Variants in GNA12 observed in about 807,000 individuals in gnomAD.
The protein encoded by GNA12 is G protein subunit alpha 12.
GNA12 carries 9 observed loss-of-function variants against 26.0 expected under a neutral mutation model. That is an observed-to-expected ratio of 0.35 (90% CI 0.21 to 0.60). The LOEUF is 0.60. Among genes scored for constraint, GNA12 ranks in the 20% least tolerant of loss-of-function variants. GNA12 has a pLI of 0.78. For missense variants in GNA12, 405 were observed against 525.8 expected, an observed-to-expected ratio of 0.77 and a Z score of 2.25; for synonymous variants, 264 against 219.6, an observed-to-expected ratio of 1.20 and a Z score of -1.79.
intron 2 of GNA12, among the ~76,000 whole-genome samples, chr7:2,738,761 A>C (rs1385142238): frequency 6.6e-6 from 1 of 152,234 alleles, no homozygotes; most frequent in Non-Finnish European, 1.5e-5. Context: ...CCCAAATTAA[A>C]GCAAATGAAC....
intron 1 of GNA12, among the ~76,000 whole-genome samples, chr7:2,830,519 C>A (rs1256106711): frequency 2.6e-5 from 4 of 152,178 alleles, no homozygotes; most frequent in African/African-American, 7.2e-5. Flanking sequence ...AAGAGAGAAC[C>A]TGGAGGGAAT....
In GNA12 at chr7:2,739,117, C is replaced by T. The variant is rs886133244; in HGVS notation, c.526-5616G>A. ...GGTTGCTGTCACAGGGGTGCCACGC[C>T]GGGCCCCTAAAGCACCAGCCCCCTT... On this transcript the variant is annotated intron_variant, in intron 2 of 3. Transcript: ENST00000275364. Among the ~76,000 whole-genome samples, 5 of 152,276 alleles carry T rather than the reference C, an allele frequency of 3.3e-5. No homozygotes were observed. The East Asian group carries it at 5.8e-4, about 18-fold the overall frequency.
intron 2 of GNA12, among the ~76,000 whole-genome samples, chr7:2,761,870 A>C (rs1403231222): frequency 6.6e-6 from 1 of 152,170 alleles, no homozygotes; most frequent in Non-Finnish European, 1.5e-5. Flanking sequence ...TCACAACGTA[A>C]AATTCGGCTT....
Position 2,731,526 on chromosome 7 carries a change from G to T in GNA12, c.801C>A (p.Thr267=). 1 of 1,612,408 alleles carries T rather than the reference G, an allele frequency of 6.2e-7. No individual in the cohort carries two copies. Residue 267 remains threonine, a synonymous_variant, in exon 4 of 4, where the codon ACC becomes ACA. Coordinates refer to ENST00000275364, the MANE Select transcript of GNA12 (RefSeq NM_007353.3). The surrounding 1 kb of genome is among the most constrained non-coding windows in gnomAD (Gnocchi z 6.0). ...YDQVLMEDRR[T]NRLVESMNIF... ...TGTTCATGGACTCCACCAGCCGGTT[G>T]GTGCGCCTGTCCTCCATGAGGACCT...
intron 1 of GNA12, among the ~76,000 whole-genome samples, chr7:2,801,907 TA>T (rs1792817906): frequency 6.6e-6 from 1 of 152,270 alleles, no homozygotes; most frequent in Non-Finnish European, 1.5e-5. Flanking sequence ...CCTGTAACAA[TA>T]ATGTATTTAC....
chr7:2,790,893 G>T (rs570362921), intron 2 of GNA12, among the ~76,000 whole-genome samples: 1 of 151,830 alleles, frequency 6.6e-6, no homozygotes, highest in Non-Finnish European at 1.5e-5. Flanking sequence ...TGGTTTGCCT[G>T]AGCCCAGGAG....
At position 2,844,259 on chromosome 7, in the gene GNA12, C is replaced by A. The variant is rs1012754993; in HGVS notation, c.-98G>T. The stretch of plus-strand genomic sequence containing the variant: ...CGGGCCGAGGCACCGCCCCACGCCC[C>A]GCCGCTCGCCTCAGGCCGCGTCCGC... On this transcript the variant is annotated 5_prime_UTR_variant, in exon 1 of 4. Transcript: ENST00000275364. 7 of 534,240 alleles carry A rather than the reference C, an allele frequency of 1.3e-5. No individual in the cohort carries two copies. The highest frequency in any genetic ancestry group is 1.7e-5 in the Non-Finnish European group (7 of 419,530). The allele number at this position is 534,240 out of a possible 1,614,324, so 33.1% of individuals were successfully genotyped here.
intron 2 of GNA12, among the ~76,000 whole-genome samples, chr7:2,763,747 A>G: frequency 6.6e-6 from 1 of 152,114 alleles, no homozygotes; most frequent in Admixed American, 6.6e-5. Flanking sequence ...CCTGCACAAA[A>G]TGCCTCCCCC....
At chr7:2,816,309 C>T (rs1793218163) in intron 1 of GNA12, among the ~76,000 whole-genome samples, 5 of 150,812 alleles carry the variant, frequency 3.3e-5, no homozygotes. Flanking sequence ...TGGCTCACTG[C>T]GACCACCACC....
In GNA12 at chr7:2,774,936, T is replaced by C. The variant is rs1792040674; in HGVS notation, c.525+19992A>G. On this transcript the variant is annotated intron_variant, in intron 2 of 3. Transcript: ENST00000275364. The stretch of plus-strand genomic sequence containing the variant: ...AAGATATGAGAGTCAATATTAATAA[T>C]ATTCTCAAAAGAGTATGAATTGCAC... Among the ~76,000 whole-genome samples, 4 of 152,212 alleles carry C rather than the reference T, an allele frequency of 2.6e-5. No individual in the cohort carries two copies. The South Asian group carries it at 6.2e-4, about 24-fold the overall frequency.
intron 1 of GNA12, among the ~76,000 whole-genome samples, chr7:2,820,755 A>G (rs1465677791): frequency 6.6e-6 from 1 of 152,158 alleles, no homozygotes; most frequent in African/African-American, 2.4e-5. Flanking sequence ...TTTTTACTTT[A>G]GAGACAGGAT....
chr7:2,757,802 C>T (rs988450361), intron 2 of GNA12, among the ~76,000 whole-genome samples: 4 of 152,174 alleles, frequency 2.6e-5, no homozygotes, highest in Admixed American at 6.5e-5. Flanking sequence ...GCACTTAGTA[C>T]GTACTGAACG....
chr7:2,814,165 C>T (rs1439121535), intron 1 of GNA12: 1 of 623,946 alleles, frequency 1.6e-6, no homozygotes, highest in Non-Finnish European at 2.9e-6. Flanking sequence ...CATGGGACTT[C>T]TCAGCTCCCA....
In GNA12 at chr7:2,741,624, C is replaced by A. The variant is rs925200780; in HGVS notation, c.526-8123G>T. 2.6e-5 allele frequency among the ~76,000 whole-genome samples: 4 copies of A among 152,112 alleles called. No individual in the cohort carries two copies. In the South Asian group the frequency reaches 6.2e-4, roughly 24 times the overall value. Reference sequence around the variant, plus strand: ...GCAAGAATAGTACAAAGAGCTCATACAGTCTTTCTCTAGATTCACCTGTTC... The same window carrying A: ...GCAAGAATAGTACAAAGAGCTCATAAAGTCTTTCTCTAGATTCACCTGTTC... On this transcript the variant is annotated intron_variant, in intron 2 of 3. Transcript: ENST00000275364.
rs116954821 is a variant in GNA12 at position 2,793,125 on chromosome 7, C to T, written c.525+1803G>A. On this transcript the variant is annotated intron_variant, in intron 2 of 3. Transcript: ENST00000275364. ...CGAGAAAATACCAGACAAACCCAAA[C>T]AGGAAGATTCTACACAATACCTGGC... Among the ~76,000 whole-genome samples, 640 of 152,286 alleles carry T rather than the reference C, an allele frequency of 4.2e-3. 2 individuals are homozygous for T. Among genetic ancestry groups the T allele is most frequent in the Non-Finnish European group, 7.7e-3 (522 of 68,016 alleles).
chr7:2,815,684 G>C (rs1793202405), intron 1 of GNA12, among the ~76,000 whole-genome samples: 1 of 152,168 alleles, frequency 6.6e-6, no homozygotes, highest in Non-Finnish European at 1.5e-5. Flanking sequence ...TCCGCCTCCT[G>C]ACCCAGCGTG....
chr7:2,790,924 T>C (rs1792501417), intron 2 of GNA12, among the ~76,000 whole-genome samples: 1 of 150,622 alleles, frequency 6.6e-6, no homozygotes, highest in South Asian at 2.1e-4. Flanking sequence ...CAGTGAGCTA[T>C]GACCACACTA....
At chr7:2,797,779 G>T (rs1250882425) in intron 1 of GNA12, among the ~76,000 whole-genome samples, 4 of 152,160 alleles carry the variant, frequency 2.6e-5, no homozygotes, top group Non-Finnish European at 5.9e-5. Flanking sequence ...TCAGGACCTT[G>T]TCTGTCTGCC....
intron 1 of GNA12, among the ~76,000 whole-genome samples, chr7:2,818,676 T>C (rs1340283231): frequency 1.3e-5 from 2 of 151,474 alleles, no homozygotes; most frequent in Non-Finnish European, 1.5e-5. Flanking sequence ...GGCATGAGAA[T>C]TGCCTGAGCC....
Sources: allele counts gnomAD v4.1 joint callset (sites outside exome capture counted in the v4.1 genomes callset), GRCh38; gene constraint gnomAD v4.1.1; non-coding constraint Gnocchi (gnomAD v3.1); transcripts MANE v1.5; gene names NCBI Gene and HGNC (gene_info 2026-07-23, HGNC 2026-07-21).